LIMS1: variants seen among roughly 807,000 people sequenced by gnomAD.
The protein encoded by LIMS1 is LIM and senescent cell antigen-like-containing domain protein 1.
In LIMS1, 18 loss-of-function variants were observed where a neutral mutation model predicts 44.1. The ratio of observed to expected loss-of-function variants is 0.41; its 90% CI spans 0.28 to 0.61. LIMS1 has a LOEUF of 0.61. LIMS1 is among the 20% of genes least tolerant of loss of function. The pLI, the probability that LIMS1 is intolerant of heterozygous loss-of-function variation, is 0.32. For missense variants in LIMS1, 201 were observed against 422.0 expected (o/e 0.48, Z 4.59); for synonymous variants, 93 against 149.1 (o/e 0.62, Z 2.74).
intron 1 of LIMS1, among the ~76,000 whole-genome samples, chr2:108,565,057 T>G (rs979666251): frequency 2.0e-5 from 3 of 152,222 alleles, no homozygotes; most frequent in Non-Finnish European, 2.9e-5. Context: ...CAAGTCGGTT[T>G]CTGTCAAAAC....
intron 1 of LIMS1, chr2:108,621,475 C>A: frequency 6.5e-7 from 1 of 1,537,748 alleles, no homozygotes; most frequent in South Asian, 1.2e-5. Flanking sequence ...AGTGCAAAGT[C>A]ATGGTTGGCT....
At chr2:108,681,659 G>A (rs769740206) in intron 9 of LIMS1, 20 of 888,774 alleles carry the variant, frequency 2.3e-5, no homozygotes, top group Non-Finnish European at 2.4e-5. Context: ...GGTGGCTCAC[G>A]CCTGTAATCC....
intron 1 of LIMS1, among the ~76,000 whole-genome samples, chr2:108,566,699 C>T (rs796304342): frequency 1.1e-4 from 16 of 152,188 alleles, no homozygotes; most frequent in African/African-American, 3.4e-4. Flanking sequence ...TGGGTTCAAG[C>T]GATTCTCCTG....
chr2:108,642,348 T>TG (rs1266919265), intron 1 of LIMS1, among the ~76,000 whole-genome samples: 5 of 9,240 alleles, frequency 5.4e-4, no homozygotes, highest in African/African-American at 1.1e-3. Flanking sequence ...TTTTGTTTTT[T>TG]TTTTTTTTTG....
intron 1 of LIMS1, among the ~76,000 whole-genome samples, chr2:108,586,563 C>T (rs1057366828): frequency 1.3e-5 from 2 of 152,200 alleles, no homozygotes; most frequent in Non-Finnish European, 2.9e-5. Context: ...AAGCATGGTA[C>T]GTCCTTATGC....
At chr2:108,671,207 T>C (rs1316718657) in intron 3 of LIMS1, among the ~76,000 whole-genome samples, 1 of 151,990 alleles carries the variant, frequency 6.6e-6, no homozygotes, top group East Asian at 1.9e-4. Flanking sequence ...ACTTCAGTCA[T>C]TTCACACTGG....
intron 2 of LIMS1, among the ~76,000 whole-genome samples, chr2:108,667,172 A>G (rs1482213826): frequency 6.6e-5 from 10 of 152,274 alleles, no homozygotes; most frequent in Non-Finnish European, 1.5e-4. Flanking sequence ...GCTGCCAGTC[A>G]GGAGGCACCT....
intron 1 of LIMS1, among the ~76,000 whole-genome samples, chr2:108,594,032 G>A (rs1048214712): frequency 1.2e-4 from 18 of 152,164 alleles, no homozygotes; most frequent in African/African-American, 4.3e-4. Flanking sequence ...TCAGACAATA[G>A]CAGTGAGCTA....
intron 1 of LIMS1, among the ~76,000 whole-genome samples, chr2:108,632,117 G>A (rs540046246): frequency 5.9e-5 from 9 of 152,010 alleles, no homozygotes; most frequent in East Asian, 1.9e-4. Flanking sequence ...GAGTACAGGC[G>A]CCTGCCACCA....
intron 2 of LIMS1, among the ~76,000 whole-genome samples, chr2:108,668,857 T>C (rs1431490237): frequency 5.3e-5 from 8 of 152,242 alleles, no homozygotes; most frequent in Non-Finnish European, 1.5e-5. Flanking sequence ...CTTGTACTTT[T>C]GGCTGCACAT....
intron 1 of LIMS1, among the ~76,000 whole-genome samples, chr2:108,642,637 G>A (rs992183824): frequency 6.6e-5 from 10 of 152,098 alleles, no homozygotes; most frequent in African/African-American, 2.2e-4. Context: ...GGGATTACAG[G>A]CGTGAGCCAC....
chr2:108,593,278 A>G (rs1223986887), intron 1 of LIMS1, among the ~76,000 whole-genome samples: 1 of 152,032 alleles, frequency 6.6e-6, no homozygotes, highest in Non-Finnish European at 1.5e-5. Flanking sequence ...CAAGCCTCCC[A>G]CTGTGTGACT....
At chr2:108,665,037 A>G (rs1691652365) in intron 2 of LIMS1, among the ~76,000 whole-genome samples, 2 of 152,120 alleles carry the variant, frequency 1.3e-5, no homozygotes, top group African/African-American at 4.8e-5. Flanking sequence ...GAGTGCTGAA[A>G]CCCATAAGGC....
rs1684045337 is a variant in LIMS1 at position 108,534,489 on chromosome 2, GA to G, written c.-73del. ...CCCGCCAGTAGCCGGCCGCGGCGGCGAGGGACTAGGACGCGGCTGGAGCGGC... is the reference window on the plus strand; with the variant it reads ...CCCGCCAGTAGCCGGCCGCGGCGGCGGGGACTAGGACGCGGCTGGAGCGGC... On this transcript the variant is annotated 5_prime_UTR_variant, in exon 1 of 10. Transcript: ENST00000544547. The G allele has an allele frequency of 2.7e-6, 3 of 1,121,956 alleles. No homozygotes were observed. In the South Asian group the frequency reaches 1.3e-4, roughly 48 times the overall value. The allele number at this position is 1,121,956 out of a possible 1,614,324, so 69.5% of individuals were successfully genotyped here. A position where few individuals can be genotyped will look rare whatever the true frequency, so the allele number is the denominator to read the frequency against.
chr2:108,595,955 T>C, intron 1 of LIMS1, among the ~76,000 whole-genome samples: 1 of 152,084 alleles, frequency 6.6e-6, no homozygotes, highest in East Asian at 1.9e-4. Context: ...CCTGAGGTTA[T>C]CTGTGGAGGG....
At chr2:108,612,080 A>G (rs1687689811) in intron 1 of LIMS1, among the ~76,000 whole-genome samples, 1 of 148,956 alleles carries the variant, frequency 6.7e-6, no homozygotes, top group Non-Finnish European at 1.5e-5. Context: ...ACATATATAT[A>G]TGCCCTAAGA....
At chr2:108,579,462 A>G (rs1204907211) in intron 1 of LIMS1, among the ~76,000 whole-genome samples, 1 of 152,246 alleles carries the variant, frequency 6.6e-6, no homozygotes, top group Non-Finnish European at 1.5e-5. Context: ...TATGTAATAC[A>G]CAAGAGTGCA....
chr2:108,587,578 T>G (rs1362105685), intron 1 of LIMS1, among the ~76,000 whole-genome samples: 13 of 152,262 alleles, frequency 8.5e-5, no homozygotes, highest in African/African-American at 2.6e-4. Context: ...CTAAAAATGA[T>G]TCCTCTATAA....
intron 1 of LIMS1, among the ~76,000 whole-genome samples, chr2:108,535,131 G>A (rs1684084324): frequency 6.6e-6 from 1 of 152,242 alleles, no homozygotes; most frequent in South Asian, 2.1e-4. Context: ...GTCCTTTACA[G>A]TTTGCGAATC....
Sources: allele counts gnomAD v4.1 joint callset (sites outside exome capture counted in the v4.1 genomes callset), GRCh38; gene constraint gnomAD v4.1.1; transcripts MANE v1.5; gene names NCBI Gene and HGNC (gene_info 2026-07-23, HGNC 2026-07-21).